VPS29: variants seen among roughly 807,000 people sequenced by gnomAD.
VPS29 encodes the protein VPS29 retromer complex component, also known as vacuolar protein sorting-associated protein 29.
A neutral mutation model predicts 20.0 loss-of-function variants in VPS29; 2 were observed. The observed-to-expected ratio is 0.10, with a 90% confidence interval of 0.04 to 0.31. The LOEUF (loss-of-function observed/expected upper bound fraction) is 0.31, where lower values mean the gene tolerates loss of function less well. Among genes scored for constraint, VPS29 ranks in the 10% least tolerant of loss-of-function variants. The pLI is 1.00. For synonymous variants in VPS29, 81 were observed against 79.3 expected (o/e 1.02, Z -0.12); for missense variants, 120 against 215.3 (o/e 0.56, Z 2.77).
intron 1 of VPS29, chr12:110,501,318 G>GT: frequency 6.9e-7 from 1 of 1,446,392 alleles, no homozygotes; most frequent in Non-Finnish European, 9.3e-7. Flanking sequence ...GGGAGACTAG[G>GT]TAAGTCTCCA....
chr12:110,492,798 T>TC, intron 3 of VPS29, 198 bp downstream of exon 3: 2 of 481,382 alleles, frequency 4.2e-6, no homozygotes, highest in East Asian at 7.5e-5. Context: ...ATTTTTAAAA[T>TC]TTTTTTGTAG....
chr12:110,501,865 C>T, intron 1 of VPS29, 184 bp downstream of exon 1: 1 of 1,430,952 alleles, frequency 7.0e-7, no homozygotes, highest in Non-Finnish European at 9.5e-7. Flanking sequence ...CCAGCCGCAC[C>T]CAGAGGTGGC....
chr12:110,492,937 TGTC>T, intron 3 of VPS29, 56 bp downstream of exon 3: 2 of 1,448,878 alleles, frequency 1.4e-6, no homozygotes, highest in Non-Finnish European at 1.9e-6. Context: ...TTTTACGAAA[TGTC>T]ACACATGCAA....
At chr12:110,492,454 C>T (rs568296684) in intron 3 of VPS29, among the ~76,000 whole-genome samples, 47 of 151,782 alleles carry the variant, frequency 3.1e-4, no homozygotes, top group African/African-American at 8.0e-4. Context: ...CCTATAATCC[C>T]GGCTACTTGG....
At chr12:110,500,454 T>C (rs2062989706) in intron 1 of VPS29, among the ~76,000 whole-genome samples, 1 of 152,192 alleles carries the variant, frequency 6.6e-6, no homozygotes, top group South Asian at 2.1e-4. Flanking sequence ...TGTCTCGAAA[T>C]TACTGTAAAC....
intron 1 of VPS29, chr12:110,501,420 A>G: frequency 1.3e-6 from 2 of 1,535,432 alleles, no homozygotes; most frequent in Non-Finnish European, 1.7e-6. Flanking sequence ...ATCCTACCCT[A>G]AAGAGGCGTA....
In VPS29 at chr12:110,493,112, T is replaced by C. The variant is rs771777844; in HGVS notation, c.315A>G (p.Gln105=). 1.8e-5 allele frequency: 29 copies of C among 1,613,984 alleles called. No homozygotes were observed. The highest frequency in any genetic ancestry group is 2.3e-5 in the Non-Finnish European group (27 of 1,180,022). Residue 105 remains glutamine (Q), a synonymous_variant, in exon 3 of 4, where the codon CAA becomes CAG. Coordinates refer to ENST00000549578, the MANE Select transcript of VPS29 (RefSeq NM_016226.5). ...DMASLALLQR[Q]FDVDILISGH... ...CCGAGATAAGAATGTCCACATCAAA[T>C]TGCCTCTGCAACAGGGCTAAGCTGG...
Position 110,493,224 on chromosome 12 carries a change from T to C in VPS29, c.203A>G (p.Asn68Ser). The C allele has an allele frequency of 1.3e-6, 2 of 1,511,496 alleles. No homozygotes were observed. The highest frequency in any genetic ancestry group is 2.7e-5 in the South Asian group (2 of 75,464). 93.6% of individuals were successfully genotyped at this position (1,511,496 alleles called of 1,614,324 possible). The change falls in exon 3 of 4, where the codon AAT becomes AGT. Residue 68 changes from asparagine (N) to serine (S), a missense_variant. Coordinates refer to ENST00000549578, the MANE Select transcript of VPS29 (RefSeq NM_016226.5). ...AGTCACAACTTTCTGTTCTGGATAA[T>C]TCAGATTCTAACATAAGAAAAAGAC... ...IVRGDFDENLNYPEQKVVTVG... is the reference protein window; with the variant it reads ...IVRGDFDENLSYPEQKVVTVG...
rs1208047342 is a variant in VPS29, at chr12:110,502,109, C to T, written c.-58G>A. On this transcript the variant is annotated 5_prime_UTR_variant, in exon 1 of 4. Coordinates refer to ENST00000549578, the MANE Select transcript of VPS29 (RefSeq NM_016226.5). ...CGTCGCCGCCCTCTTCCTCAGGCTCCTCGGCGACCCGCCCACTTAACCGCA... is the reference window on the plus strand; with the variant it reads ...CGTCGCCGCCCTCTTCCTCAGGCTCTTCGGCGACCCGCCCACTTAACCGCA... 4 of 1,583,608 alleles carry T rather than the reference C, an allele frequency of 2.5e-6. No homozygotes were observed. Among genetic ancestry groups the T allele is most frequent in the Non-Finnish European group, 3.5e-6 (4 of 1,159,282 alleles).
At chr12:110,498,951 G>C (rs77081208) in intron 1 of VPS29, 9,214 of 557,780 alleles carry the variant, frequency 0.017, 208 homozygotes, top group African/African-American at 0.084. Context: ...AGAAGAAGAA[G>C]AACAACAACA....
rs1461058306 is a variant in VPS29 at position 110,491,214 on chromosome 12, G to C, written c.*791C>G. On this transcript the variant is annotated 3_prime_UTR_variant, in exon 4 of 4. Coordinates refer to ENST00000549578, the MANE Select transcript of VPS29 (RefSeq NM_016226.5). ...ACTGCCTCAGCCTCCCGAGTAGCTG[G>C]GAATACAGGCATGTAGCACCATGCT... 1 of 152,054 alleles carries C rather than the reference G, an allele frequency of 6.6e-6. No homozygotes were observed. The highest frequency in any genetic ancestry group is 1.5e-5 in the Non-Finnish European group (1 of 68,068). The allele number at this position is 152,054 out of a possible 1,614,324, so 9.4% of individuals were successfully genotyped here.
rs1256970255 is a variant in VPS29 at position 110,501,983 on chromosome 12, C to T, written c.3+66G>A. On this transcript the variant is annotated intron_variant, in intron 1 of 3. Coordinates refer to ENST00000549578, the MANE Select transcript of VPS29 (RefSeq NM_016226.5). Reference sequence around the variant, plus strand: ...CAATTCCTCGCCCTCGGCCTCCCCACGGCTCCCAACAACGCAGCACCCCAC... The same window carrying T: ...CAATTCCTCGCCCTCGGCCTCCCCATGGCTCCCAACAACGCAGCACCCCAC... The T allele has an allele frequency of 1.9e-6, 3 of 1,612,642 alleles. No homozygotes were observed. The African/African-American group carries it at 4.0e-5, about 22-fold the overall frequency.
chr12:110,501,628 C>A, intron 1 of VPS29: 1 of 1,534,086 alleles, frequency 6.5e-7, no homozygotes, highest in African/African-American at 1.4e-5. Context: ...GAGAGGCCAG[C>A]TTCCACCACT....
Position 110,501,990 on chromosome 12 carries a change from C to G in VPS29, c.3+59G>C, listed in dbSNP as rs761402557. On this transcript the variant is annotated intron_variant, in intron 1 of 3. Transcript: ENST00000549578. Reference sequence around the variant, plus strand: ...TCGCCCTCGGCCTCCCCACGGCTCCCAACAACGCAGCACCCCACCCGAGAG... The same window carrying G: ...TCGCCCTCGGCCTCCCCACGGCTCCGAACAACGCAGCACCCCACCCGAGAG... The G allele has an allele frequency of 2.5e-6, 4 of 1,612,912 alleles. No individual in the cohort carries two copies. The African/African-American group carries it at 5.3e-5, about 22-fold the overall frequency.
chr12:110,496,727 ATTG>A (rs1386461224), intron 1 of VPS29: 2 of 152,312 alleles, frequency 1.3e-5, no homozygotes, highest in African/African-American at 2.4e-5. Context: ...ATTTAAGGAA[ATTG>A]TTAATAGACA....
Position 110,502,099 on chromosome 12 carries a change from C to T in VPS29, c.-48G>A, listed in dbSNP as rs779145268. 1.3e-6 allele frequency: 2 copies of T among 1,594,872 alleles called. No homozygotes were observed. Among genetic ancestry groups the T allele is most frequent in the Non-Finnish European group, 1.7e-6 (2 of 1,168,172 alleles). ...TCACCACCACCGTCGCCGCCCTCTT[C>T]CTCAGGCTCCTCGGCGACCCGCCCA... On this transcript the variant is annotated 5_prime_UTR_variant, in exon 1 of 4. Coordinates refer to ENST00000549578, the MANE Select transcript of VPS29 (RefSeq NM_016226.5).
chr12:110,500,605 ATAATCT>A (rs2062995945), intron 1 of VPS29, among the ~76,000 whole-genome samples: 1 of 152,208 alleles, frequency 6.6e-6, no homozygotes, highest in Non-Finnish European at 1.5e-5. Flanking sequence ...TGCAATAGTA[ATAATCT>A]TAAAAATGCA....
intron 1 of VPS29, among the ~76,000 whole-genome samples, chr12:110,497,985 T>TTTGAGA (rs1366859288): frequency 1.3e-5 from 2 of 151,574 alleles, no homozygotes; most frequent in African/African-American, 4.8e-5. Flanking sequence ...TTTTTTTTTT[T>TTTGAGA]TTTGAGATGG....
intron 2 of VPS29, among the ~76,000 whole-genome samples, chr12:110,494,769 G>C (rs1396478021): frequency 6.6e-6 from 1 of 151,806 alleles, no homozygotes; most frequent in Non-Finnish European, 1.5e-5. Flanking sequence ...GCCCAGGCTG[G>C]AGTGCAGTGG....
Sources: allele counts gnomAD v4.1 joint callset (sites outside exome capture counted in the v4.1 genomes callset), GRCh38; gene constraint gnomAD v4.1.1; transcripts MANE v1.5; gene names NCBI Gene and HGNC (gene_info 2026-07-23, HGNC 2026-07-21).